Variants in CCDC190 observed in about 807,000 individuals in gnomAD.
CCDC190 encodes coiled-coil domain containing 190.
CCDC190 carries 10 observed loss-of-function variants against 13.1 expected under a neutral mutation model. That is an observed-to-expected ratio of 0.77 (90% confidence interval 0.47 to 1.30). The LOEUF (loss-of-function observed/expected upper bound fraction) is 1.30. Ranked by LOEUF, CCDC190 falls within the 50% of genes most tolerant of loss-of-function variation. CCDC190 has a pLI of 0.00. For synonymous variants in CCDC190, 136 were observed against 127.2 expected (o/e 1.07, Z -0.47); for missense variants, 375 against 354.3 (o/e 1.06, Z -0.47).
intron 2 of CCDC190, among the ~76,000 whole-genome samples, chr1:162,858,207 GA>G (rs34885658): frequency 1.3e-5 from 2 of 152,182 alleles, no homozygotes; most frequent in Non-Finnish European, 2.9e-5. Flanking sequence ...AGAAGCACCT[GA>G]ATCAAAGTTT....
intron 1 of CCDC190, among the ~76,000 whole-genome samples, chr1:162,867,298 G>T (rs1650742170): frequency 6.6e-6 from 1 of 151,952 alleles, no homozygotes; most frequent in African/African-American, 2.4e-5. Flanking sequence ...TACTTGAATA[G>T]ACAATCCAAA....
upstream of CCDC190, among the ~76,000 whole-genome samples, chr1:162,864,279 T>C (rs1398722331): frequency 6.6e-6 from 1 of 152,076 alleles, no homozygotes; most frequent in Non-Finnish European, 1.5e-5. Context: ...TCAACAAAAA[T>C]ATCTTCAAGA....
rs765622936 is a variant in CCDC190, at chr1:162,855,656, C to A, written c.287G>T (p.Arg96Ile). The part of the protein sequence containing the change: ...VFSPQGRQKH[R>I]APQAKKMRAL... ...CCTCATTTTCTTAGCCTGTGGGGCT[C>A]TGTGCTTCTGCCTTCCCTGTGGTGA... Residue 96 changes from arginine (R) to isoleucine (I), a missense_variant, in exon 3 of 4, where the codon AGA becomes ATA. Physicochemically the swap from Arg to Ile is moderately conservative, Grantham distance 97 (BLOSUM62 -3). Transcript: ENST00000367912. 23 of 1,613,848 alleles carry A rather than the reference C, an allele frequency of 1.4e-5. No individual in the cohort carries two copies. The highest frequency in any genetic ancestry group is 1.9e-5 in the Non-Finnish European group (22 of 1,179,770).
intron 2 of CCDC190, among the ~76,000 whole-genome samples, chr1:162,857,783 G>A (rs12085976): frequency 0.13 from 20,008 of 152,050 alleles, 1,384 homozygotes; most frequent in Non-Finnish European, 0.15. Context: ...TTTTATAAGC[G>A]GAACTACTGT....
chr1:162,856,432 C>T (rs1650304368), intron 2 of CCDC190, among the ~76,000 whole-genome samples: 1 of 152,160 alleles, frequency 6.6e-6, no homozygotes, highest in Non-Finnish European at 1.5e-5. Flanking sequence ...ACAATGTTTT[C>T]AAAAACAAAA....
upstream of CCDC190, among the ~76,000 whole-genome samples, chr1:162,863,598 G>A (rs181839345): frequency 1.9e-3 from 290 of 152,314 alleles, no homozygotes; most frequent in Middle Eastern, 3.4e-3. Context: ...CTTACTGTCT[G>A]GAAAGGGTTT....
At chr1:162,855,387 C>G (rs1650266962) in intron 3 of CCDC190, 28 bp from the exon 4 acceptor site, 1 of 1,562,398 alleles carries the variant, frequency 6.4e-7, no homozygotes, top group Non-Finnish European at 8.6e-7. Context: ...AGAAAGATCT[C>G]TGAAAACCAA....
chr1:162,855,414 T>C, intron 3 of CCDC190, 55 bp from the exon 4 acceptor site: 2 of 1,531,742 alleles, frequency 1.3e-6, no homozygotes, highest in Non-Finnish European at 1.7e-6. Context: ...GGCTCTTCTT[T>C]AGACCTTTCA....
Position 162,854,824 on chromosome 1 carries a change from A to G in CCDC190, c.847T>C (p.Ser283Pro), listed in dbSNP as rs1276338391. 7 of 1,613,950 alleles carry G rather than the reference A, an allele frequency of 4.3e-6. No individual in the cohort carries two copies. The highest frequency in any genetic ancestry group is 5.9e-6 in the Non-Finnish European group (7 of 1,179,868). The change falls in exon 4 of 4, where the codon TCA becomes CCA. Residue 283 changes from serine (S) to proline (P), a missense_variant. By Grantham distance (74) the Ser-to-Pro change is moderately conservative. Coordinates refer to ENST00000367912, the MANE Select transcript of CCDC190 (RefSeq NM_001394065.1). ...GEIFGHGESS[S>P]SRAGKECENR... ...TCACACTCCTTTCCTGCCCTGGATG[A>G]TGAGGATTCCCCATGCCCAAATATC... is the stretch of plus-strand genomic sequence containing the variant.
In CCDC190 at chr1:162,855,059, A is replaced by G. The variant is rs373424324; in HGVS notation, c.612T>C (p.Cys204=). The G allele has an allele frequency of 1.1e-5, 18 of 1,614,018 alleles. No individual in the cohort carries two copies. The African/African-American group carries it at 2.3e-4, about 20-fold the overall frequency. ...SSPASDSGMA[C]ADETRSKDVA... Reference sequence around the variant, plus strand: ...CATCTTTTGATCTGGTCTCATCAGCACATGCCATTCCACTATCACTAGCTG... The same window carrying G: ...CATCTTTTGATCTGGTCTCATCAGCGCATGCCATTCCACTATCACTAGCTG... The change falls in exon 4 of 4, where the codon TGT becomes TGC. Residue 204 remains cysteine, a synonymous_variant. Transcript: ENST00000367912.
Position 162,853,145 on chromosome 1 carries a change from G to T in CCDC190, c.*1620C>A, listed in dbSNP as rs547175693. The T allele has an allele frequency of 6.4e-5, 99 of 1,549,032 alleles. No individual in the cohort carries two copies. Among genetic ancestry groups the T allele is most frequent in the Middle Eastern group, 3.3e-4 (2 of 5,990 alleles). On this transcript the variant is annotated 3_prime_UTR_variant, in exon 4 of 4. Transcript: ENST00000367912. ...CACTATAAAGTATTGTCTCCCCATT[G>T]AAGGCCAGAGGCTGGGCTGATGAAA...
chr1:162,859,666 C>A lies in CCDC190; in HGVS notation c.-12-8G>T, dbSNP rs764077564. 3.7e-6 allele frequency: 6 copies of A among 1,600,184 alleles called. No individual in the cohort carries two copies. Among genetic ancestry groups the A allele is most frequent in the Non-Finnish European group, 5.1e-6 (6 of 1,174,196 alleles). On this transcript the variant is annotated splice_region_variant and splice_polypyrimidine_tract_variant and intron_variant, in intron 1 of 3. Transcript: ENST00000367912. ...CTCCATCTTCTTTATGGTCTAGAGA[C>A]AATAAGGTATCACAAATAACCTGAT...
chr1:162,865,526 TAAC>T (rs72449946), upstream of CCDC190, among the ~76,000 whole-genome samples: 6,705 of 152,162 alleles, frequency 0.044, 491 homozygotes, highest in African/African-American at 0.15. Context: ...AAAATTAAAA[TAAC>T]AGTGTATTCT....
upstream of CCDC190, among the ~76,000 whole-genome samples, chr1:162,862,648 C>T (rs572880742): frequency 2.6e-5 from 4 of 152,322 alleles, no homozygotes; most frequent in African/African-American, 7.2e-5. Context: ...GAATATCTAT[C>T]TATGGGAACA....
chr1:162,854,665 A>ATGTT lies in CCDC190; in HGVS notation c.*96_*99dup, dbSNP rs1191243233. On this transcript the variant is annotated 3_prime_UTR_variant, in exon 4 of 4. Coordinates refer to ENST00000367912, the MANE Select transcript of CCDC190 (RefSeq NM_001394065.1). ...TTTAAAATAAAATTGTAATTCAATT[A>ATGTT]TGTTTGTTTGTTTTTCTCTGTATTG... 6 of 1,456,036 alleles carry ATGTT rather than the reference A, an allele frequency of 4.1e-6. No individual in the cohort carries two copies. In the African/African-American group the frequency reaches 7.1e-5, roughly 17 times the overall value. 90.2% of individuals were successfully genotyped at this position (1,456,036 alleles called of 1,614,324 possible). A position where few individuals can be genotyped will look rare whatever the true frequency, so the allele number is the denominator to read the frequency against.
chr1:162,853,021 T>C lies in CCDC190; in HGVS notation c.*1744A>G. ...TGGCTGGTGCAAATAAATTAAGTTTTTGTGAATCAATCAGTTCTGTCACTT... is the reference window on the plus strand; with the variant it reads ...TGGCTGGTGCAAATAAATTAAGTTTCTGTGAATCAATCAGTTCTGTCACTT... On this transcript the variant is annotated 3_prime_UTR_variant, in exon 4 of 4. Coordinates refer to ENST00000367912, the MANE Select transcript of CCDC190 (RefSeq NM_001394065.1). The C allele has an allele frequency of 8.6e-7, 1 of 1,166,190 alleles. No individual in the cohort carries two copies. 72.2% of individuals were successfully genotyped at this position (1,166,190 alleles called of 1,614,324 possible).
chr1:162,866,351 A>C (rs1354224078), intron 1 of CCDC190, among the ~76,000 whole-genome samples: 2 of 152,046 alleles, frequency 1.3e-5, no homozygotes, highest in Non-Finnish European at 2.9e-5. Flanking sequence ...AATCACTTGA[A>C]CCTGGGAGGC....
In CCDC190 at chr1:162,852,851, C is replaced by G. The variant is rs1318765357; in HGVS notation, c.*1914G>C. On this transcript the variant is annotated 3_prime_UTR_variant, in exon 4 of 4. Transcript: ENST00000367912. ...ACTTAGCAGTGACAAACCATTCACT[C>G]AGGACTCAGCCTTGAGGGAGAATTG... is the stretch of plus-strand genomic sequence containing the variant. The G allele has an allele frequency of 4.5e-5, 21 of 466,822 alleles. No individual in the cohort carries two copies. The highest frequency in any genetic ancestry group is 7.4e-5 in the Non-Finnish European group (19 of 257,902). 28.9% of individuals were successfully genotyped at this position (466,822 alleles called of 1,614,324 possible). A position where few individuals can be genotyped will look rare whatever the true frequency, so the allele number is the denominator to read the frequency against.
upstream of CCDC190, among the ~76,000 whole-genome samples, chr1:162,862,160 C>T (rs1704746): frequency 0.037 from 5,641 of 152,232 alleles, 241 homozygotes; most frequent in African/African-American, 0.11. Context: ...CAGCTAGAGG[C>T]TTGCTGACTG....
Sources: allele counts gnomAD v4.1 joint callset (sites outside exome capture counted in the v4.1 genomes callset), GRCh38; gene constraint gnomAD v4.1.1; transcripts MANE v1.5; gene names NCBI Gene and HGNC (gene_info 2026-07-23, HGNC 2026-07-21).